VANGL2: variants seen among roughly 807,000 people sequenced by gnomAD.
The protein encoded by VANGL2 is vang-like protein 2.
Under a neutral mutation model 50.2 loss-of-function variants are expected in VANGL2, and 14 were observed. That is an observed-to-expected ratio of 0.28 (90% CI 0.18 to 0.44). VANGL2 has a LOEUF of 0.44. Among genes scored for constraint, VANGL2 ranks in the 20% least tolerant of loss-of-function variants. VANGL2 has a pLI of 1.00. For synonymous variants in VANGL2, 295 were observed against 297.2 expected (o/e 0.99, Z 0.08); for missense variants, 533 against 701.5 (o/e 0.76, Z 2.71).
intron 6 of VANGL2, among the ~76,000 whole-genome samples, chr1:160,422,330 A>G (rs955228316): frequency 6.6e-5 from 10 of 152,072 alleles, no homozygotes; most frequent in Non-Finnish European, 1.3e-4. Flanking sequence ...GGGTCATCCA[A>G]TCTCCTGTAC....
chr1:160,405,150 C>A (rs993737487), intron 1 of VANGL2, among the ~76,000 whole-genome samples: 1 of 152,166 alleles, frequency 6.6e-6, no homozygotes, highest in Non-Finnish European at 1.5e-5. Flanking sequence ...GGGGAGCCAT[C>A]TCCCTGTTCA....
chr1:160,421,302 G>C, intron 6 of VANGL2, 115 bp downstream of exon 6: 1 of 1,402,608 alleles, frequency 7.1e-7, no homozygotes, highest in Non-Finnish European at 9.8e-7. Context: ...ATGAGTTGGG[G>C]GTGTGTGCTT....
Position 160,420,545 on chromosome 1 carries a change from AG to A in VANGL2, c.937+1del. 1 of 1,614,038 alleles carries A rather than the reference AG, an allele frequency of 6.2e-7. No individual in the cohort carries two copies. The highest frequency in any genetic ancestry group is 8.5e-7 in the Non-Finnish European group (1 of 1,180,006). On this transcript the variant is annotated frameshift_variant and splice_region_variant, in exon 5 of 8. Transcript: ENST00000368061. LOFTEE classifies it high-confidence loss of function. ...GGCTTCAAGGTGTATTCCCTCGGAG[AG>A]GGTGAGCAGCCCTGCTCCTCTGCCC... ...VSGFKVYSLG[E>X]ENSTNNSTGQ...
At chr1:160,414,678 G>T (rs538987382) in intron 1 of VANGL2, among the ~76,000 whole-genome samples, 19 of 152,164 alleles carry the variant, frequency 1.2e-4, no homozygotes, top group Non-Finnish European at 2.2e-4. Flanking sequence ...CATAGAAGGT[G>T]CTCAAACAAG....
intron 7 of VANGL2, among the ~76,000 whole-genome samples, chr1:160,424,588 T>C (rs1362065869): frequency 6.6e-6 from 1 of 152,176 alleles, no homozygotes; most frequent in Non-Finnish European, 1.5e-5. Context: ...TCACCTCCAT[T>C]ACCCTCTTCA....
chr1:160,418,802 G>A (rs1215088257), intron 3 of VANGL2, among the ~76,000 whole-genome samples, 200 bp from the exon 4 acceptor site: 1 of 152,174 alleles, frequency 6.6e-6, no homozygotes, highest in Non-Finnish European at 1.5e-5. Context: ...ATCTGCAGAG[G>A]CCAGACTTTG....
At chr1:160,405,420 A>C (rs1037734856) in intron 1 of VANGL2, among the ~76,000 whole-genome samples, 4 of 152,068 alleles carry the variant, frequency 2.6e-5, no homozygotes, top group African/African-American at 9.7e-5. Flanking sequence ...GAATGTTTGC[A>C]TTCCTTGTCT....
rs149148405 is a variant in VANGL2, at chr1:160,407,665, G to A, written c.-191+6796G>A. ...TACCTCGAGCAGCAGGCTAGGAAGAGGGGGGCATTTGTTTTTGGAGTGTAC... is the reference window on the plus strand; with the variant it reads ...TACCTCGAGCAGCAGGCTAGGAAGAAGGGGGCATTTGTTTTTGGAGTGTAC... On this transcript the variant is annotated intron_variant, in intron 1 of 7. Transcript: ENST00000368061. 7.7e-4 allele frequency among the ~76,000 whole-genome samples: 117 copies of A among 152,340 alleles called. 1 individual carries two copies. Among genetic ancestry groups the A allele is most frequent in the Middle Eastern group, 6.8e-3 (2 of 294 alleles).
At chr1:160,420,647 T>A (rs1571246745) in intron 5 of VANGL2, 100 bp downstream of exon 5, 7 of 1,569,242 alleles carry the variant, frequency 4.5e-6, no homozygotes, top group Non-Finnish European at 6.1e-6. Flanking sequence ...TTTCCTTTCC[T>A]TAGCCCATGT....
Position 160,428,025 on chromosome 1 carries a change from GCT to G in VANGL2, c.*2652_*2653del, listed in dbSNP as rs1166800062. ...TCCTTTCTCCTAAACTGGTCTTTGT[GCT>G]CTCTTTGTTTTTTCTTATTTCCCTC... On this transcript the variant is annotated 3_prime_UTR_variant, in exon 8 of 8. Transcript: ENST00000368061. 1 of 152,630 alleles carries G rather than the reference GCT, an allele frequency of 6.6e-6. No individual in the cohort carries two copies. Among genetic ancestry groups the G allele is most frequent in the Non-Finnish European group, 1.5e-5 (1 of 68,074 alleles). The allele number at this position is 152,630 out of a possible 1,614,324, so 9.5% of individuals were successfully genotyped here. A position where few individuals can be genotyped will look rare whatever the true frequency, so the allele number is the denominator to read the frequency against.
At chr1:160,415,592 G>A in intron 1 of VANGL2, 56 bp from the exon 2 acceptor site, 2 of 555,678 alleles carry the variant, frequency 3.6e-6, no homozygotes, top group Non-Finnish European at 6.5e-6. Context: ...GTCTTCCTCT[G>A]CCCTGACCCC....
At chr1:160,408,120 T>G (rs932667038) in intron 1 of VANGL2, among the ~76,000 whole-genome samples, 2 of 151,594 alleles carry the variant, frequency 1.3e-5, no homozygotes, top group Admixed American at 1.3e-4. Context: ...GTGTCTGCTT[T>G]TGTGTGCTGT....
chr1:160,413,284 GT>G (rs11401620), intron 1 of VANGL2, among the ~76,000 whole-genome samples: 84 of 145,098 alleles, frequency 5.8e-4, no homozygotes, highest in East Asian at 2.2e-3. Flanking sequence ...TCCATTTTAG[GT>G]TTTTTTTTTT....
At chr1:160,410,968 T>C (rs1337173397) in intron 1 of VANGL2, among the ~76,000 whole-genome samples, 2 of 152,042 alleles carry the variant, frequency 1.3e-5, no homozygotes, top group Non-Finnish European at 2.9e-5. Context: ...TTTGTTGCCA[T>C]GGTGATCAAT....
At chr1:160,415,401 G>T (rs534460397) in intron 1 of VANGL2, among the ~76,000 whole-genome samples, 2 of 152,210 alleles carry the variant, frequency 1.3e-5, no homozygotes, top group Non-Finnish European at 2.9e-5. Flanking sequence ...GAGCCTTCCT[G>T]CCCTGGGAGC....
rs374653941 is a variant in VANGL2 at position 160,419,472 on chromosome 1, G to A, written c.663G>A (p.Ser221=). ...AGGGCGTGGTGCAGTTCGCCGTGTC[G>A]CTGGTGGACGCCCTTCTTTTCGTGC... ...SYQGVVQFAV[S]LVDALLFVHY... The change falls in exon 4 of 8, where the codon TCG becomes TCA. Residue 221 remains serine, a synonymous_variant. Coordinates refer to ENST00000368061, the MANE Select transcript of VANGL2 (RefSeq NM_020335.3). This position sits in a 1 kb window ranked among gnomAD's most constrained non-coding sequence, Gnocchi z 5.8. 1.5e-5 allele frequency: 24 copies of A among 1,607,302 alleles called. No homozygotes were observed. Among genetic ancestry groups the A allele is most frequent in the Non-Finnish European group, 1.9e-5 (22 of 1,180,000 alleles).
chr1:160,419,537 A>G lies in VANGL2; in HGVS notation c.728A>G (p.Gln243Arg). The change falls in exon 4 of 8, where the codon CAG (glutamine) becomes CGG (arginine). Residue 243 changes from glutamine (Q) to arginine (R), a missense_variant. Physicochemically the swap from Gln to Arg is conservative, Grantham distance 43. Coordinates refer to ENST00000368061, the MANE Select transcript of VANGL2 (RefSeq NM_020335.3). This position sits in a 1 kb window ranked among gnomAD's most constrained non-coding sequence, Gnocchi z 5.8. Reference protein sequence around the residue: ...AVVLLELRQLQPQFTLKVVRS... With the variant: ...AVVLLELRQLRPQFTLKVVRS... ...GTCCTGCTGGAGCTGCGCCAGCTCC[A>G]GCCTCAGTTCACGCTCAAGGTCGTG... The G allele has an allele frequency of 6.2e-7, 1 of 1,601,130 alleles. No homozygotes were observed. The highest frequency in any genetic ancestry group is 8.5e-7 in the Non-Finnish European group (1 of 1,179,670).
rs1651061538 is a variant in VANGL2 at position 160,416,380 on chromosome 1, T to C, written c.192+198T>C. Among the ~76,000 whole-genome samples the C allele has an allele frequency of 3.3e-5, 5 of 152,146 alleles. No individual in the cohort carries two copies. The South Asian group carries it at 1.0e-3, about 32-fold the overall frequency. ...TCAGGAATTTCAGTATAGAGATCCC[T>C]CTGGAAGCAGCAGCCTCTCCTTCCT... is the stretch of plus-strand genomic sequence containing the variant. On this transcript the variant is annotated intron_variant, in intron 3 of 7. Transcript: ENST00000368061.
intron 1 of VANGL2, among the ~76,000 whole-genome samples, chr1:160,415,431 C>T (rs1261378166): frequency 1.3e-5 from 2 of 152,216 alleles, no homozygotes; most frequent in Non-Finnish European, 2.9e-5. Context: ...CCATCTTCCC[C>T]CATGCCTGAG....
Sources: allele counts gnomAD v4.1 joint callset (sites outside exome capture counted in the v4.1 genomes callset), GRCh38; gene constraint gnomAD v4.1.1; non-coding constraint Gnocchi (gnomAD v3.1); transcripts MANE v1.5; gene names NCBI Gene and HGNC (gene_info 2026-07-23, HGNC 2026-07-21).